The following SLC39A14 variants were observed in gnomAD, a reference collection of about 807,000 sequenced individuals.
SLC39A14 encodes solute carrier family 39 member 14.
SLC39A14 carries 19 observed loss-of-function variants against 45.5 expected under a neutral mutation model. The observed-to-expected ratio is 0.42, with a 90% CI of 0.29 to 0.61. The LOEUF (loss-of-function observed/expected upper bound fraction) is 0.61, where lower values mean the gene tolerates loss of function less well. Ranked by LOEUF, SLC39A14 falls within the 20% of genes least tolerant of loss-of-function variation. The probability of loss-of-function intolerance (pLI) is 0.22; values close to 1 mark genes in which losing one functional copy is unlikely to be tolerated. For missense variants in SLC39A14, 447 were observed against 616.5 expected (o/e 0.73, Z 2.91); for synonymous variants, 264 against 251.3 (o/e 1.05, Z -0.48).
At chr8:22,390,446 C>T (rs1169143969) in intron 1 of SLC39A14, 1 of 152,116 alleles carries the variant, frequency 6.6e-6, no homozygotes, top group Non-Finnish European at 1.5e-5. Context: ...GCTGGGACTA[C>T]AGGCACACAC....
chr8:22,384,080 G>T (rs1586657586), intron 1 of SLC39A14, among the ~76,000 whole-genome samples: 1 of 152,158 alleles, frequency 6.6e-6, no homozygotes, highest in Non-Finnish European at 1.5e-5. Flanking sequence ...CACGGCAGAA[G>T]CCTTGGCCGT....
intron 2 of SLC39A14, among the ~76,000 whole-genome samples, chr8:22,407,505 C>T (rs183644868): frequency 2.4e-3 from 362 of 151,878 alleles, no homozygotes; most frequent in African/African-American, 8.2e-3. Context: ...GGATTACAGG[C>T]GTGAGCTACC....
At chr8:22,432,963 T>A (rs1453160883) in intron 8 of SLC39A14, among the ~76,000 whole-genome samples, 2 of 151,604 alleles carry the variant, frequency 1.3e-5, no homozygotes, top group Non-Finnish European at 2.9e-5. Flanking sequence ...ACCTGGCTAA[T>A]TTTTAAAAAA....
intron 4 of SLC39A14, among the ~76,000 whole-genome samples, chr8:22,413,733 C>T (rs1835713098): frequency 6.6e-6 from 1 of 151,990 alleles, no homozygotes; most frequent in African/African-American, 2.4e-5. Flanking sequence ...CCTATGTACC[C>T]ACAAAAAAAT....
intron 2 of SLC39A14, among the ~76,000 whole-genome samples, chr8:22,406,322 G>T (rs1356629514): frequency 2.0e-5 from 3 of 150,370 alleles, no homozygotes; most frequent in African/African-American, 7.4e-5. Flanking sequence ...GGTGGTGGGT[G>T]CCTCTAATCC....
At chr8:22,373,980 G>A (rs1833073496) in intron 1 of SLC39A14, among the ~76,000 whole-genome samples, 1 of 152,154 alleles carries the variant, frequency 6.6e-6, no homozygotes, top group Non-Finnish European at 1.5e-5. Flanking sequence ...GGCTGGTCTC[G>A]AACTCGAGCT....
chr8:22,383,048 G>A (rs1312899874), intron 1 of SLC39A14, among the ~76,000 whole-genome samples: 1 of 152,132 alleles, frequency 6.6e-6, no homozygotes, highest in Non-Finnish European at 1.5e-5. Context: ...TGAGGATAGG[G>A]ATCCTTGTCC....
rs1563597993 is a variant in SLC39A14, at chr8:22,414,806, T to C, written c.654T>C (p.Asp218=). 5.6e-6 allele frequency: 9 copies of C among 1,611,188 alleles called. No homozygotes were observed. Among genetic ancestry groups the C allele is most frequent in the Non-Finnish European group, 7.6e-6 (9 of 1,179,548 alleles). ...CATTTGGTTTCAACCCTCTGGAAGA[T>C]TATTATGTCTCCAAGTCTGCAGTGG... ...PEAFGFNPLE[D]YYVSKSAVVF... is the part of the protein sequence containing the mutation. Residue 218 remains aspartate, a synonymous_variant, in exon 5 of 9, where the codon GAT becomes GAC. Transcript: ENST00000381237.
At position 22,419,782 on chromosome 8, in the gene SLC39A14, C is replaced by A. The variant is rs1434187963; in HGVS notation, c.*84C>A. The A allele has an allele frequency of 6.7e-7, 1 of 1,485,636 alleles. No homozygotes were observed. The allele number at this position is 1,485,636 out of a possible 1,614,324, so 92.0% of individuals were successfully genotyped here. A position where few individuals can be genotyped will look rare whatever the true frequency, so the allele number is the denominator to read the frequency against. On this transcript the variant is annotated 3_prime_UTR_variant, in exon 9 of 9. Coordinates refer to ENST00000381237, the MANE Select transcript of SLC39A14 (RefSeq NM_001128431.4). Reference sequence around the variant, plus strand: ...CCGAGGACTTACCATCCACAATGCACCACGGAAGAGGCCGTTCTATGAAAA... The same window carrying A: ...CCGAGGACTTACCATCCACAATGCAACACGGAAGAGGCCGTTCTATGAAAA...
downstream of SLC39A14, among the ~76,000 whole-genome samples, chr8:22,427,302 A>C (rs1219192168): frequency 6.6e-6 from 1 of 152,090 alleles, no homozygotes; most frequent in Non-Finnish European, 1.5e-5. Context: ...TCCATCTCGA[A>C]AAGAAAAAAT....
intron 1 of SLC39A14, among the ~76,000 whole-genome samples, chr8:22,394,724 T>G (rs1834284774): frequency 6.6e-6 from 1 of 152,208 alleles, no homozygotes; most frequent in Admixed American, 6.5e-5. Flanking sequence ...CTGTATTAAT[T>G]ACATGCATTT....
downstream of SLC39A14, among the ~76,000 whole-genome samples, chr8:22,423,343 T>G (rs1434593175): frequency 2.0e-5 from 3 of 149,598 alleles, no homozygotes; most frequent in Admixed American, 6.6e-5. Flanking sequence ...TTGTTTTGTT[T>G]TTTTTTTTTT....
chr8:22,379,738 G>A (rs185014906), intron 1 of SLC39A14, among the ~76,000 whole-genome samples: 34 of 152,100 alleles, frequency 2.2e-4, no homozygotes, highest in African/African-American at 6.7e-4. Context: ...AGACCATCCC[G>A]GCCAACATGG....
In SLC39A14 at chr8:22,419,729, T is replaced by C. The variant is rs986234952; in HGVS notation, c.*31T>C. The C allele has an allele frequency of 6.4e-7, 1 of 1,559,140 alleles. No individual in the cohort carries two copies. The highest frequency in any genetic ancestry group is 1.4e-5 in the African/African-American group (1 of 73,114). ...TGCCAAGAGCCTGTGGGACTGGAAGTCGGGCCCTGGGCTGCCCGATCGCCA... is the reference window on the plus strand; with the variant it reads ...TGCCAAGAGCCTGTGGGACTGGAAGCCGGGCCCTGGGCTGCCCGATCGCCA... On this transcript the variant is annotated 3_prime_UTR_variant, in exon 9 of 9. Transcript: ENST00000381237.
At chr8:22,400,828 A>G (rs917953888) in intron 1 of SLC39A14, among the ~76,000 whole-genome samples, 2 of 152,224 alleles carry the variant, frequency 1.3e-5, no homozygotes, top group African/African-American at 4.8e-5. Context: ...GCCACAGGAT[A>G]TGCCTGACAG....
Position 22,367,700 on chromosome 8 carries a change from CG to C in SLC39A14, c.-16+294del, listed in dbSNP as rs1832712476. On this transcript the variant is annotated intron_variant, in intron 1 of 8. Transcript: ENST00000381237. This position sits in a 1 kb window ranked among gnomAD's most constrained non-coding sequence, Gnocchi z 4.2. ...CGCGCCGAAGGCTGAGCCAGGCTCC[CG>C]GATTCCCCGCGCGGACACGGACGCA... is the stretch of plus-strand genomic sequence containing the variant. 1 of 152,360 alleles carries C rather than the reference CG, an allele frequency of 6.6e-6. No homozygotes were observed. Among genetic ancestry groups the C allele is most frequent in the Non-Finnish European group, 1.5e-5 (1 of 68,156 alleles). The allele number at this position is 152,360 out of a possible 1,614,324, so 9.4% of individuals were successfully genotyped here. A position where few individuals can be genotyped will look rare whatever the true frequency, so the allele number is the denominator to read the frequency against.
In SLC39A14 at chr8:22,401,539, CTTTCT is replaced by C. The variant is rs1428977118; in HGVS notation, c.-15-3153_-15-3149del. 1.7e-3 allele frequency among the ~76,000 whole-genome samples: 202 copies of C among 115,726 alleles called. 3 individuals carry two copies. The highest frequency in any genetic ancestry group is 6.4e-3 in the African/African-American group (190 of 29,632). The allele number at this position is 115,726 out of a possible 152,430, so 75.9% of individuals were successfully genotyped here. Reference sequence around the variant, plus strand: ...CTTTCTGTCTTTCTCTTTCTCTTCTCTTTCTTTTTTTTTTTTTTTTTTTTTTGAGA... The same window carrying C: ...CTTTCTGTCTTTCTCTTTCTCTTCTCTTTTTTTTTTTTTTTTTTTTTGAGA... On this transcript the variant is annotated intron_variant, in intron 1 of 8. Coordinates refer to ENST00000381237, the MANE Select transcript of SLC39A14 (RefSeq NM_001128431.4).
intron 1 of SLC39A14, among the ~76,000 whole-genome samples, chr8:22,371,768 G>GA (rs1832950362): frequency 8.0e-6 from 1 of 125,606 alleles, no homozygotes; most frequent in Non-Finnish European, 1.6e-5. Context: ...TTTTTGAGAC[G>GA]GAGCCTTGCT....
Position 22,415,754 on chromosome 8 carries a change from CT to C in SLC39A14, c.751-14del, listed in dbSNP as rs1323910307. ...TGGTGAATGTCATGCTGATCCCTCC[CT>C]GTCACCCTTCCAGCATCATCATGGA... On this transcript the variant is annotated splice_polypyrimidine_tract_variant and intron_variant, in intron 5 of 8. Transcript: ENST00000381237. 6.2e-7 allele frequency: 1 copy of C among 1,605,744 alleles called. No individual in the cohort carries two copies. Among genetic ancestry groups the C allele is most frequent in the Admixed American group, 1.8e-5 (1 of 56,770 alleles).
Sources: gnomAD v4.1 joint callset for allele counts (sites outside exome capture counted in the v4.1 genomes callset) on GRCh38, gnomAD v4.1.1 for gene constraint, Gnocchi (gnomAD v3.1) non-coding constraint, MANE v1.5 for transcripts, NCBI Gene and HGNC (gene_info 2026-07-23, HGNC 2026-07-21) for gene names.